RGS22: variants seen among roughly 807,000 people sequenced by gnomAD.
RGS22 encodes regulator of G protein signaling 22.
RGS22 carries 148 observed loss-of-function variants against 172.9 expected under a neutral mutation model. That is an observed-to-expected ratio of 0.86 (90% confidence interval 0.75 to 0.98). The LOEUF is 0.98. Among genes scored for constraint, RGS22 ranks in the 50% least tolerant of loss-of-function variants. RGS22 has a pLI of 0.00. For synonymous variants in RGS22, 458 were observed against 480.2 expected (o/e 0.95, Z 0.60); for missense variants, 1,347 against 1,440.8 (o/e 0.93, Z 1.05).
intron 22 of RGS22, among the ~76,000 whole-genome samples, chr8:99,979,356 C>G (rs544412395): frequency 1.3e-5 from 2 of 152,228 alleles, no homozygotes; most frequent in African/African-American, 4.8e-5. Flanking sequence ...CAATAGAAGG[C>G]ATAAAACTAC....
In RGS22 at chr8:100,034,723, A is replaced by C. The variant is rs2131562593; in HGVS notation, c.2166+4208T>G. On this transcript the variant is annotated intron_variant, in intron 14 of 27. Transcript: ENST00000360863. ...CTATCCGACTTCAAACTATACTCCA[A>C]GTCTACAGTAGTATGGTACTGGTAC... Among the ~76,000 whole-genome samples, 2 of 152,136 alleles carry C rather than the reference A, an allele frequency of 1.3e-5. 1 individual carries two copies. The highest frequency in any genetic ancestry group is 3.9e-4 in the East Asian group (2 of 5,170).
chr8:100,048,375 A>G (rs2131646305), intron 10 of RGS22, among the ~76,000 whole-genome samples: 1 of 152,302 alleles, frequency 6.6e-6, no homozygotes, highest in South Asian at 2.1e-4. Context: ...GTTGTCTGGA[A>G]GTAGGTAAGA....
intron 23 of RGS22, 118 bp from the exon 24 acceptor site, chr8:99,965,548 TAAG>T: frequency 3.0e-6 from 2 of 658,840 alleles, no homozygotes; most frequent in Non-Finnish European, 2.5e-6. Context: ...GTGCTGCACT[TAAG>T]GTTTCATCAA....
chr8:100,065,879 T>C (rs1810501430), intron 7 of RGS22, among the ~76,000 whole-genome samples: 1 of 152,174 alleles, frequency 6.6e-6, no homozygotes, highest in Non-Finnish European at 1.5e-5. Flanking sequence ...TCTATCCATT[T>C]AGTATATATC....
chr8:100,082,151 C>T (rs963607848), intron 3 of RGS22, among the ~76,000 whole-genome samples: 9 of 152,188 alleles, frequency 5.9e-5, no homozygotes, highest in East Asian at 1.9e-4. Context: ...GCAGAAATAA[C>T]GAAGATGATA....
intron 15 of RGS22, among the ~76,000 whole-genome samples, chr8:100,006,527 T>A (rs1437957681): frequency 1.3e-5 from 2 of 152,164 alleles, no homozygotes; most frequent in Non-Finnish European, 2.9e-5. Context: ...TTTAATGCTG[T>A]AGTAAGAGAG....
rs116428124 is a variant in RGS22, at chr8:100,026,148, T to C, written c.2166+12783A>G. ...TATTGATTTACTGGTTTGTACACTA[T>C]AAAAGCAGGAGCAAAGGGGACAAAT... On this transcript the variant is annotated intron_variant, in intron 14 of 27. Coordinates refer to ENST00000360863, the MANE Select transcript of RGS22 (RefSeq NM_015668.5). Among the ~76,000 whole-genome samples the C allele has an allele frequency of 6.3e-3, 966 of 152,232 alleles. 10 individuals are homozygous for C. Among genetic ancestry groups the C allele is most frequent in the African/African-American group, 0.021 (883 of 41,520 alleles).
intron 21 of RGS22, among the ~76,000 whole-genome samples, chr8:99,982,568 T>G (rs1361106677): frequency 6.6e-6 from 1 of 152,126 alleles, no homozygotes; most frequent in Non-Finnish European, 1.5e-5. Context: ...ATACATAGTA[T>G]CCTAGGAGAA....
intron 15 of RGS22, among the ~76,000 whole-genome samples, chr8:100,006,897 T>C (rs528262046): frequency 2.0e-5 from 3 of 152,282 alleles, no homozygotes; most frequent in South Asian, 4.1e-4. Context: ...GCCGAAACTT[T>C]TTGGTTTAGG....
At chr8:99,980,434 C>G (rs996532579) in intron 22 of RGS22, among the ~76,000 whole-genome samples, 1 of 151,940 alleles carries the variant, frequency 6.6e-6, no homozygotes, top group African/African-American at 2.4e-5. Flanking sequence ...GAGGAGACAA[C>G]TAGGTAAGTT....
chr8:100,026,510 G>C (rs1305326616), intron 14 of RGS22, among the ~76,000 whole-genome samples: 1 of 152,140 alleles, frequency 6.6e-6, no homozygotes. Context: ...GTAAATAGTA[G>C]AAGTCACCAG....
intron 14 of RGS22, among the ~76,000 whole-genome samples, chr8:100,009,419 C>A: frequency 1.5e-5 from 2 of 135,334 alleles, no homozygotes; most frequent in Non-Finnish European, 1.5e-5. Flanking sequence ...AGTGAGACTC[C>A]ACCTCAAAAA....
chr8:100,098,164 T>C lies in RGS22; in HGVS notation c.55-4655A>G, dbSNP rs578051370. Reference sequence around the variant, plus strand: ...TCACTTCATACTATAATTGTTTACATGTCTCATCCACTGGATTGTGAACTG... The same window carrying C: ...TCACTTCATACTATAATTGTTTACACGTCTCATCCACTGGATTGTGAACTG... On this transcript the variant is annotated intron_variant, in intron 2 of 27. Coordinates refer to ENST00000360863, the MANE Select transcript of RGS22 (RefSeq NM_015668.5). Among the ~76,000 whole-genome samples the C allele has an allele frequency of 2.3e-4, 33 of 145,880 alleles. No homozygotes were observed. The South Asian group carries it at 6.2e-3, about 27-fold the overall frequency.
chr8:100,001,219 T>TATATATATATATATATATATATACATAC (rs1402594104), intron 18 of RGS22, among the ~76,000 whole-genome samples: 3 of 132,964 alleles, frequency 2.3e-5, no homozygotes, highest in African/African-American at 8.5e-5. Context: ...TATATATATA[T>TATATATATATATATATATATATACATAC]ACATATATAT....
At chr8:100,031,481 C>A (rs555126840) in intron 14 of RGS22, among the ~76,000 whole-genome samples, 1 of 151,982 alleles carries the variant, frequency 6.6e-6, no homozygotes, top group African/African-American at 2.4e-5. Flanking sequence ...TCTTACCTAC[C>A]CTCTTCATTC....
At chr8:99,980,416 C>A (rs1372629118) in intron 22 of RGS22, among the ~76,000 whole-genome samples, 1 of 151,996 alleles carries the variant, frequency 6.6e-6, no homozygotes. Flanking sequence ...GATAGAATGA[C>A]AGATAACGAG....
At chr8:99,991,086 T>C (rs1813669536) in intron 20 of RGS22, among the ~76,000 whole-genome samples, 1 of 152,140 alleles carries the variant, frequency 6.6e-6, no homozygotes, top group Admixed American at 6.5e-5. Context: ...AAAAAGGTCA[T>C]CTACACCAAA....
chr8:100,099,865 C>T (rs1307379246), intron 2 of RGS22, among the ~76,000 whole-genome samples: 1 of 152,232 alleles, frequency 6.6e-6, no homozygotes, highest in Non-Finnish European at 1.5e-5. Flanking sequence ...AGGGGTAGTA[C>T]TTAGGTCTAG....
intron 4 of RGS22, among the ~76,000 whole-genome samples, chr8:100,077,251 T>G (rs1811424789): frequency 6.6e-6 from 1 of 152,178 alleles, no homozygotes; most frequent in Non-Finnish European, 1.5e-5. Context: ...CTGTTTTCAA[T>G]TTCATTGATT....
Sources: gnomAD v4.1 joint callset for allele counts (sites outside exome capture counted in the v4.1 genomes callset) on GRCh38, gnomAD v4.1.1 for gene constraint, MANE v1.5 for transcripts, NCBI Gene and HGNC (gene_info 2026-07-23, HGNC 2026-07-21) for gene names.